The following ERC2 variants were observed in gnomAD, a reference collection of about 807,000 sequenced individuals.
ERC2 encodes ERC protein 2.
A neutral mutation model predicts 114.8 loss-of-function variants in ERC2; 42 were observed. The observed-to-expected ratio is 0.37, with a 90% CI of 0.29 to 0.47. ERC2 has a LOEUF of 0.47. ERC2 is among the 20% of genes least tolerant of loss of function. The probability of loss-of-function intolerance (pLI) is 0.99; values close to 1 mark genes in which losing one functional copy is unlikely to be tolerated. For synonymous variants in ERC2, 454 were observed against 425.5 expected (o/e 1.07, Z -0.82); for missense variants, 939 against 1,150.7 (o/e 0.82, Z 2.66).
At chr3:55,705,824 T>A (rs576506651) in intron 15 of ERC2, among the ~76,000 whole-genome samples, 3 of 152,346 alleles carry the variant, frequency 2.0e-5, no homozygotes, top group Admixed American at 6.5e-5. Flanking sequence ...TCATGAAGGT[T>A]TGGCTGGTGT....
At chr3:55,683,121 T>G (rs886229029) in intron 17 of ERC2, among the ~76,000 whole-genome samples, 1 of 152,204 alleles carries the variant, frequency 6.6e-6, no homozygotes, top group Non-Finnish European at 1.5e-5. Context: ...CAAAGCCTCA[T>G]AGAAGTATAA....
intron 4 of ERC2, among the ~76,000 whole-genome samples, chr3:56,170,932 T>C (rs2082632341): frequency 6.6e-6 from 1 of 151,774 alleles, no homozygotes; most frequent in African/African-American, 2.4e-5. Context: ...GCCCAGCTAA[T>C]TTTTTGTATT....
chr3:56,344,115 C>A (rs1167024596), intron 2 of ERC2, among the ~76,000 whole-genome samples: 1 of 152,184 alleles, frequency 6.6e-6, no homozygotes, highest in African/African-American at 2.4e-5. Context: ...AACAAAATAT[C>A]TTTTTACATT....
At chr3:55,828,476 G>GGCAGCAGGGGCAGCAGGGGCAGCAGGC (rs1553694257) in intron 14 of ERC2, among the ~76,000 whole-genome samples, 40 of 115,064 alleles carry the variant, frequency 3.5e-4, no homozygotes, top group Non-Finnish European at 5.1e-4. Context: ...GGGCAGCAGG[G>GGCAGCAGGGGCAGCAGGGGCAGCAGGC]GCAGCAGGGG....
At chr3:55,987,011 A>C (rs1576462891) in intron 11 of ERC2, among the ~76,000 whole-genome samples, 1 of 152,116 alleles carries the variant, frequency 6.6e-6, no homozygotes, top group Admixed American at 6.6e-5. Flanking sequence ...GGGAAGGAAA[A>C]ACAAAACAAA....
At chr3:55,612,696 T>C (rs1250752753) in intron 17 of ERC2, 1 of 152,168 alleles carries the variant, frequency 6.6e-6, no homozygotes, top group Non-Finnish European at 1.5e-5. Context: ...TTTTACCAGT[T>C]TTTCCGAGGC....
chr3:56,436,692 C>T (rs774235792), intron 1 of ERC2, among the ~76,000 whole-genome samples: 43 of 152,150 alleles, frequency 2.8e-4, no homozygotes, highest in Non-Finnish European at 5.0e-4. Context: ...TAGTGATGGG[C>T]ATGTGACCCA....
chr3:56,135,791 A>G (rs79293003), intron 6 of ERC2, among the ~76,000 whole-genome samples: 1 of 152,158 alleles, frequency 6.6e-6, no homozygotes, highest in South Asian at 2.1e-4. Flanking sequence ...TTCCCAGTTT[A>G]TGGATATGTT....
At chr3:55,645,957 AG>A (rs2060377910) in intron 17 of ERC2, among the ~76,000 whole-genome samples, 1 of 152,112 alleles carries the variant, frequency 6.6e-6, no homozygotes, top group Admixed American at 6.6e-5. Context: ...GTGGCTGGTG[AG>A]GGGGAAATAA....
chr3:56,209,484 A>T (rs1338723808), intron 3 of ERC2, among the ~76,000 whole-genome samples: 3 of 152,208 alleles, frequency 2.0e-5, no homozygotes, highest in African/African-American at 7.2e-5. Flanking sequence ...TGTAAGCTCC[A>T]TGAGGGTGTA....
chr3:56,222,661 G>A (rs2049992799), intron 3 of ERC2, among the ~76,000 whole-genome samples: 1 of 152,064 alleles, frequency 6.6e-6, no homozygotes, highest in Non-Finnish European at 1.5e-5. Flanking sequence ...TCACCATGTC[G>A]ATCTTGAGCA....
chr3:55,992,639 A>G (rs1371818903), intron 10 of ERC2, among the ~76,000 whole-genome samples: 1 of 152,210 alleles, frequency 6.6e-6, no homozygotes, highest in Non-Finnish European at 1.5e-5. Context: ...AAATGCTTCC[A>G]TTTCCAATAC....
At chr3:55,663,375 G>T (rs2061220694) in intron 17 of ERC2, among the ~76,000 whole-genome samples, 1 of 152,244 alleles carries the variant, frequency 6.6e-6, no homozygotes, top group South Asian at 2.1e-4. Context: ...CTTCATCAGT[G>T]AAGTGGGGCT....
At chr3:55,561,690 G>A (rs1397152057) in intron 17 of ERC2, among the ~76,000 whole-genome samples, 1 of 151,942 alleles carries the variant, frequency 6.6e-6, no homozygotes, top group Non-Finnish European at 1.5e-5. Flanking sequence ...TTCTTGCCCT[G>A]TATCCATCCT....
chr3:55,907,644 G>A (rs1266621957), intron 13 of ERC2, among the ~76,000 whole-genome samples: 3 of 152,176 alleles, frequency 2.0e-5, no homozygotes, highest in Admixed American at 6.5e-5. Flanking sequence ...TATAAAACAT[G>A]AGGAAACACA....
At chr3:56,031,868 G>C (rs1284830062) in intron 7 of ERC2, among the ~76,000 whole-genome samples, 1 of 152,194 alleles carries the variant, frequency 6.6e-6, no homozygotes, top group Non-Finnish European at 1.5e-5. Flanking sequence ...TTTTGGTATA[G>C]TCTGATTTGT....
At chr3:55,854,505 G>A (rs1029820609) in intron 14 of ERC2, among the ~76,000 whole-genome samples, 4 of 152,076 alleles carry the variant, frequency 2.6e-5, no homozygotes, top group East Asian at 1.9e-4. Context: ...AGAGACAACC[G>A]CGGCTCTGGG....
chr3:56,138,866 T>C (rs2080680910), intron 6 of ERC2, among the ~76,000 whole-genome samples: 1 of 152,230 alleles, frequency 6.6e-6, no homozygotes, highest in Admixed American at 6.5e-5. Flanking sequence ...AATAGGATAG[T>C]AACATATTTT....
intron 17 of ERC2, among the ~76,000 whole-genome samples, chr3:55,571,000 C>A (rs1285647196): frequency 2.0e-5 from 3 of 151,828 alleles, no homozygotes; most frequent in Non-Finnish European, 4.4e-5. Context: ...GTTTGGCGTG[C>A]CCCTGTAATA....
Sources: gnomAD v4.1 joint callset for allele counts (sites outside exome capture counted in the v4.1 genomes callset) on GRCh38, gnomAD v4.1.1 for gene constraint, MANE v1.5 for transcripts, NCBI Gene and HGNC (gene_info 2026-07-23, HGNC 2026-07-21) for gene names.